The following SERINC1 variants were observed in gnomAD, a reference collection of about 807,000 sequenced individuals.
SERINC1 encodes serine incorporator 1.
In SERINC1, 38 loss-of-function variants were observed where a neutral mutation model predicts 52.9. The ratio of observed to expected loss-of-function variants is 0.72; its 90% CI spans 0.55 to 0.94. SERINC1 has a LOEUF of 0.94. Among genes scored for constraint, SERINC1 ranks in the 40% least tolerant of loss-of-function variants. The pLI, the probability that SERINC1 is intolerant of heterozygous loss-of-function variation, is 0.00. For missense variants in SERINC1, 471 were observed against 533.9 expected, an observed-to-expected ratio of 0.88 and a Z score of 1.16; for synonymous variants, 198 against 183.1, an observed-to-expected ratio of 1.08 and a Z score of -0.66.
chr6:122,465,964 G>A (rs745711833), intron 1 of SERINC1, among the ~76,000 whole-genome samples: 33 of 152,072 alleles, frequency 2.2e-4, no homozygotes, highest in Admixed American at 9.8e-4. Flanking sequence ...GGCCAGGAAC[G>A]GTGGCTCACA....
intron 1 of SERINC1, among the ~76,000 whole-genome samples, chr6:122,460,823 GTA>G (rs1200570169): frequency 6.6e-6 from 1 of 152,138 alleles, no homozygotes; most frequent in Non-Finnish European, 1.5e-5. Context: ...TTACTGTTAA[GTA>G]TATATCACAT....
intron 3 of SERINC1, among the ~76,000 whole-genome samples, chr6:122,455,398 CAA>C (rs34890169): frequency 7.0e-6 from 1 of 143,592 alleles, no homozygotes; most frequent in African/African-American, 2.6e-5. Flanking sequence ...ATAAAGCAGG[CAA>C]AAAAAAAAAG....
rs566544990 is a variant in SERINC1 at position 122,444,514 on chromosome 6, A to G, written c.*530T>C. The G allele has an allele frequency of 6.6e-6, 1 of 152,524 alleles. No homozygotes were observed. Among genetic ancestry groups the G allele is most frequent in the East Asian group, 1.9e-4 (1 of 5,180 alleles). The allele number at this position is 152,524 out of a possible 1,614,324, so 9.4% of individuals were successfully genotyped here. A position where few individuals can be genotyped will look rare whatever the true frequency, so the allele number is the denominator to read the frequency against. ...ACCGACACCTCCATCCATAACCTAC[A>G]CTATTGTCCACTAAACACTCCCTAC... is the stretch of plus-strand genomic sequence containing the variant. On this transcript the variant is annotated 3_prime_UTR_variant, in exon 10 of 10. Coordinates refer to ENST00000339697, the MANE Select transcript of SERINC1 (RefSeq NM_020755.4).
At chr6:122,449,442 G>A (rs1774866499) in intron 7 of SERINC1, among the ~76,000 whole-genome samples, 1 of 152,188 alleles carries the variant, frequency 6.6e-6, no homozygotes, top group South Asian at 2.1e-4. Context: ...CTGATATGGA[G>A]GAGAAAGTTT....
chr6:122,446,427 C>T (rs1479744844), intron 9 of SERINC1, among the ~76,000 whole-genome samples: 2 of 150,744 alleles, frequency 1.3e-5, no homozygotes. Flanking sequence ...AATGACAGTT[C>T]AAACAAAAGA....
chr6:122,456,236 T>A (rs1055529396), intron 3 of SERINC1, among the ~76,000 whole-genome samples: 1 of 152,162 alleles, frequency 6.6e-6, no homozygotes, highest in Non-Finnish European at 1.5e-5. Flanking sequence ...ACAAATATAA[T>A]AGAGCCTCTT....
rs370625044 is a variant in SERINC1 at position 122,452,093 on chromosome 6, A to G, written c.590-36T>C. On this transcript the variant is annotated intron_variant, in intron 5 of 9. Transcript: ENST00000339697. ...AATATAATTGGATAATTAGCTTTTT[A>G]TCAGAAATTATTAGCAATTAGAAAT... The G allele has an allele frequency of 1.1e-4, 145 of 1,323,570 alleles. No homozygotes were observed. In the Middle Eastern group the frequency reaches 1.8e-3, roughly 17 times the overall value. 82.0% of individuals were successfully genotyped at this position (1,323,570 alleles called of 1,614,324 possible).
Position 122,443,736 on chromosome 6 carries a change from T to G in SERINC1, c.*1308A>C, listed in dbSNP as rs1774708377. On this transcript the variant is annotated 3_prime_UTR_variant, in exon 10 of 10. Coordinates refer to ENST00000339697, the MANE Select transcript of SERINC1 (RefSeq NM_020755.4). ...TCATGCTGGACACCAGCAATCCACA[T>G]CACATAAATTATCCACCAGTAATGA... 1 of 152,234 alleles carries G rather than the reference T, an allele frequency of 6.6e-6. No homozygotes were observed. The highest frequency in any genetic ancestry group is 2.1e-4 in the South Asian group (1 of 4,838). The allele number at this position is 152,234 out of a possible 1,614,324, so 9.4% of individuals were successfully genotyped here. A position where few individuals can be genotyped will look rare whatever the true frequency, so the allele number is the denominator to read the frequency against.
Position 122,454,150 on chromosome 6 carries a change from C to G in SERINC1, c.451+1G>C. 6.5e-7 allele frequency: 1 copy of G among 1,542,334 alleles called. No individual in the cohort carries two copies. The highest frequency in any genetic ancestry group is 8.8e-7 in the Non-Finnish European group (1 of 1,132,994). On this transcript the variant is annotated splice_donor_variant, in intron 4 of 9. Transcript: ENST00000339697. LOFTEE classifies it high-confidence loss of function. ...CAAACAACTTAAAAAGGATTTCTTA[C>G]CAGTTGTAAAAGTTCCTTCTGGAAT...
In SERINC1 at chr6:122,451,680, A is replaced by T; in HGVS notation, c.834T>A (p.Ala278=). Residue 278 remains alanine (A), a synonymous_variant, in exon 7 of 10, where the codon GCT becomes GCA. Coordinates refer to ENST00000339697, the MANE Select transcript of SERINC1 (RefSeq NM_020755.4). ...TVYTMYLTWS[A]MTNEPETNCN... ...AAAACACACCTGGTTCATTGGTCAT[A>T]GCTGACCATGTCAAATACATTGTGT... 8.0e-7 allele frequency: 1 copy of T among 1,249,570 alleles called. No individual in the cohort carries two copies. The highest frequency in any genetic ancestry group is 1.1e-6 in the Non-Finnish European group (1 of 912,252). 77.4% of individuals were successfully genotyped at this position (1,249,570 alleles called of 1,614,324 possible).
intron 1 of SERINC1, among the ~76,000 whole-genome samples, chr6:122,461,885 G>A (rs572562770): frequency 1.3e-5 from 2 of 151,956 alleles, no homozygotes; most frequent in Admixed American, 6.6e-5. Flanking sequence ...AAAAAAATGG[G>A]CCAGAATTAC....
intron 1 of SERINC1, among the ~76,000 whole-genome samples, chr6:122,466,083 A>AC (rs1210674756): frequency 1.3e-5 from 2 of 151,934 alleles, no homozygotes; most frequent in Non-Finnish European, 2.9e-5. Context: ...AAAATACAAA[A>AC]ATTACCCAGG....
intron 1 of SERINC1, among the ~76,000 whole-genome samples, chr6:122,459,080 G>A (rs1775054659): frequency 6.6e-6 from 1 of 152,050 alleles, no homozygotes; most frequent in African/African-American, 2.4e-5. Context: ...AAAAAATTCC[G>A]AGGATTCTCA....
chr6:122,460,948 T>C (rs1006669541), intron 1 of SERINC1, among the ~76,000 whole-genome samples: 2 of 151,566 alleles, frequency 1.3e-5, no homozygotes, highest in Non-Finnish European at 2.9e-5. Context: ...CCCTAAATAT[T>C]GACAAGACAG....
chr6:122,453,759 C>T lies in SERINC1; in HGVS notation c.589+11G>A, dbSNP rs750071827. On this transcript the variant is annotated intron_variant, in intron 5 of 9. Coordinates refer to ENST00000339697, the MANE Select transcript of SERINC1 (RefSeq NM_020755.4). ...CAACTATACTGAAGTTGTTCTGCGA[C>T]GAAAGCTTACCTGCATACCAACATC... is the stretch of plus-strand genomic sequence containing the variant. 3.3e-5 allele frequency: 52 copies of T among 1,586,134 alleles called. No individual in the cohort carries two copies. The highest frequency in any genetic ancestry group is 4.0e-5 in the Non-Finnish European group (47 of 1,161,608).
intron 1 of SERINC1, among the ~76,000 whole-genome samples, chr6:122,466,349 G>A (rs943474800): frequency 3.3e-5 from 5 of 152,076 alleles, no homozygotes; most frequent in Non-Finnish European, 7.4e-5. Flanking sequence ...GTCCAGGCTG[G>A]AATGTAGGCT....
At chr6:122,447,397 C>A in intron 7 of SERINC1, 132 bp from the exon 8 acceptor site, 1 of 616,572 alleles carries the variant, frequency 1.6e-6, no homozygotes, top group African/African-American at 1.8e-5. Flanking sequence ...ATCAGTATAA[C>A]AAAAATAATT....
At position 122,459,434 on chromosome 6, in the gene SERINC1, G is replaced by A. The variant is rs950989553; in HGVS notation, c.40-753C>T. 2.0e-5 allele frequency among the ~76,000 whole-genome samples: 3 copies of A among 152,176 alleles called. No homozygotes were observed. The East Asian group carries it at 5.8e-4, about 29-fold the overall frequency. ...TCCAGCCCTAGAATTACAGCTCTAG[G>A]GGAAAAGAGTCTTAGATATCACAGT... is the stretch of plus-strand genomic sequence containing the variant. On this transcript the variant is annotated intron_variant, in intron 1 of 9. Transcript: ENST00000339697.
chr6:122,444,884 G>T lies in SERINC1; in HGVS notation c.*160C>A. 1.5e-6 allele frequency: 1 copy of T among 662,538 alleles called. No homozygotes were observed. The highest frequency in any genetic ancestry group is 2.5e-6 in the Non-Finnish European group (1 of 401,550). The allele number at this position is 662,538 out of a possible 1,614,324, so 41.0% of individuals were successfully genotyped here. ...TCTACTTCACATATCAATGCACTTG[G>T]TAAGAAAATAACAAAATGACAAGCA... On this transcript the variant is annotated 3_prime_UTR_variant, in exon 10 of 10. Coordinates refer to ENST00000339697, the MANE Select transcript of SERINC1 (RefSeq NM_020755.4).
Sources: gnomAD v4.1 joint callset for allele counts (sites outside exome capture counted in the v4.1 genomes callset) on GRCh38, gnomAD v4.1.1 for gene constraint, MANE v1.5 for transcripts, NCBI Gene and HGNC (gene_info 2026-07-23, HGNC 2026-07-21) for gene names.